Variants in SYTL5 observed in about 807,000 individuals in gnomAD.
SYTL5 encodes the protein synaptotagmin-like protein 5.
SYTL5 carries 34 observed loss-of-function variants against 55.9 expected under a neutral mutation model. The observed-to-expected ratio is 0.61, with a 90% CI of 0.46 to 0.81. The LOEUF is 0.81. Among genes scored for constraint, SYTL5 ranks in the 30% least tolerant of loss-of-function variants. SYTL5 has a pLI of 0.00. For missense variants in SYTL5, 637 were observed against 546.7 expected, an observed-to-expected ratio of 1.17 and a Z score of -1.65; for synonymous variants, 221 against 188.7, an observed-to-expected ratio of 1.17 and a Z score of -1.40.
At chrX:38,025,014 A>C (rs942547527) in intron 1 of SYTL5, among the ~76,000 whole-genome samples, 6 of 111,771 alleles carry the variant, frequency 5.4e-5, no homozygotes, top group Non-Finnish European at 1.1e-4. Flanking sequence ...TTTTTTCTCT[A>C]TCCACAGCAT....
At chrX:38,050,377 T>C (rs1935588460) in intron 2 of SYTL5, among the ~76,000 whole-genome samples, 1 of 111,742 alleles carries the variant, frequency 8.9e-6, no homozygotes, top group East Asian at 2.8e-4. Flanking sequence ...GATGATGGGA[T>C]GGAAAAAAAC....
chrX:38,040,650 A>G (rs1241335317), intron 2 of SYTL5, among the ~76,000 whole-genome samples: 1 of 111,843 alleles, frequency 8.9e-6, no homozygotes, highest in Non-Finnish European at 1.9e-5. Context: ...GTTGCAAATG[A>G]CTGGATTACA....
the SYTL5 span, among the ~76,000 whole-genome samples, chrX:37,973,522 A>G: frequency 8.9e-6 from 1 of 111,953 alleles, no homozygotes; most frequent in Non-Finnish European, 1.9e-5. Flanking sequence ...AACTCTGATG[A>G]TTTAACTCCT....
At chrX:37,980,005 T>C in the SYTL5 span, among the ~76,000 whole-genome samples, 1 of 110,125 alleles carries the variant, frequency 9.1e-6, no homozygotes, top group Non-Finnish European at 1.9e-5. Context: ...CCCCTTCCTG[T>C]GTCCATGTGT....
intron 12 of SYTL5, among the ~76,000 whole-genome samples, chrX:38,109,471 G>T (rs1254382053): frequency 1.8e-5 from 2 of 110,805 alleles, no homozygotes; most frequent in African/African-American, 6.6e-5. Flanking sequence ...GTCAGTGGGA[G>T]CGTGTGTGGA....
the SYTL5 span, among the ~76,000 whole-genome samples, chrX:37,893,682 T>C: frequency 2.5e-5 from 2 of 80,791 alleles, no homozygotes; most frequent in Non-Finnish European, 4.5e-5. Flanking sequence ...AATCTATAGA[T>C]AAACTATAGA....
At chrX:38,033,301 A>G (rs1935013094) in intron 1 of SYTL5, among the ~76,000 whole-genome samples, 1 of 111,868 alleles carries the variant, frequency 8.9e-6, no homozygotes, top group South Asian at 3.8e-4. Flanking sequence ...AGCTAATTAT[A>G]ATGGAGAAAA....
chrX:38,124,562 G>A lies in SYTL5; in HGVS notation c.1842-736G>A, dbSNP rs183703233. 1.7e-3 allele frequency among the ~76,000 whole-genome samples: 186 copies of A among 111,846 alleles called. 3 individuals are homozygous for A. The highest frequency in any genetic ancestry group is 2.9e-3 in the Admixed American group (31 of 10,540). On this transcript the variant is annotated intron_variant, in intron 15 of 16. Coordinates refer to ENST00000297875, the MANE Select transcript of SYTL5 (RefSeq NM_138780.3). ...CTCATACAGTGTTTTGACCATAGTC[G>A]AGAAAACCTAGGATACAGGCGTTTT... is the stretch of plus-strand genomic sequence containing the variant.
the SYTL5 span, among the ~76,000 whole-genome samples, chrX:37,957,210 A>T: frequency 9.1e-6 from 1 of 110,457 alleles, no homozygotes; most frequent in African/African-American, 3.3e-5. Context: ...ATAGTTCGCA[A>T]TTTTTTTTCT....
chrX:38,040,432 T>G (rs988343452), intron 2 of SYTL5, among the ~76,000 whole-genome samples: 3 of 110,638 alleles, frequency 2.7e-5, no homozygotes, highest in Admixed American at 9.6e-5. Context: ...TCATACTTTC[T>G]ATTTTTTTAA....
the SYTL5 span, among the ~76,000 whole-genome samples, chrX:37,892,342 T>TTTTA: frequency 9.4e-6 from 1 of 106,832 alleles, no homozygotes; most frequent in African/African-American, 3.4e-5. Flanking sequence ...ATGTCAAAGG[T>TTTTA]TTTATTTATT....
At chrX:37,934,782 C>T in the SYTL5 span, among the ~76,000 whole-genome samples, 2 of 109,383 alleles carry the variant, frequency 1.8e-5, no homozygotes, top group African/African-American at 6.7e-5. Context: ...TACAGGCACC[C>T]GCCACCACAC....
At chrX:37,939,763 A>G in the SYTL5 span, 2 of 111,943 alleles carry the variant, frequency 1.8e-5, no homozygotes, top group Non-Finnish European at 3.8e-5. Context: ...ATACCCCTAG[A>G]GGCAAGGCAG....
the SYTL5 span, among the ~76,000 whole-genome samples, chrX:37,980,423 G>A: frequency 8.9e-6 from 1 of 112,103 alleles, no homozygotes; most frequent in East Asian, 2.8e-4. Flanking sequence ...AAAACAACCA[G>A]AATTCTACTT....
intron 3 of SYTL5, among the ~76,000 whole-genome samples, chrX:38,057,084 C>T (rs1440855338): frequency 1.8e-5 from 2 of 111,499 alleles, no homozygotes; most frequent in Admixed American, 9.5e-5. Flanking sequence ...GATTTTTCTG[C>T]GAAGTTTTCT....
chrX:38,076,468 A>C (rs1936392442), intron 5 of SYTL5, 99 bp from the exon 6 acceptor site: 2 of 759,665 alleles, frequency 2.6e-6, no homozygotes, highest in South Asian at 6.3e-5. Context: ...TTATTGAAGA[A>C]TCCTTTATTA....
the SYTL5 span, among the ~76,000 whole-genome samples, chrX:37,942,088 G>A: frequency 2.5e-4 from 28 of 111,784 alleles, no homozygotes; most frequent in African/African-American, 8.1e-4. Flanking sequence ...TTGAGTTAAT[G>A]AGTTTTATTC....
chrX:37,895,454 T>TTCCTTCCTTCCTTCCTTCCC, the SYTL5 span, among the ~76,000 whole-genome samples: 763 of 82,802 alleles, frequency 9.2e-3, 14 homozygotes, highest in African/African-American at 0.038. Flanking sequence ...CCTTCCTTCC[T>TTCCTTCCTTCCTTCCTTCCC]TCCCTCCCTC....
At chrX:37,955,970 C>G in the SYTL5 span, among the ~76,000 whole-genome samples, 1 of 111,913 alleles carries the variant, frequency 8.9e-6, no homozygotes, top group African/African-American at 3.2e-5. Context: ...CACCCATATA[C>G]AAACATCCAT....
Sources: gnomAD v4.1 joint callset for allele counts (sites outside exome capture counted in the v4.1 genomes callset) on GRCh38, gnomAD v4.1.1 for gene constraint, MANE v1.5 for transcripts, NCBI Gene and HGNC (gene_info 2026-07-23, HGNC 2026-07-21) for gene names.